Variants in GABRG3 observed in about 807,000 individuals in gnomAD.
GABRG3 encodes the protein gamma-aminobutyric acid type A receptor subunit gamma3.
A neutral mutation model predicts 48.8 loss-of-function variants in GABRG3; 25 were observed. The observed-to-expected ratio is 0.51, with a 90% CI of 0.37 to 0.72. The LOEUF (loss-of-function observed/expected upper bound fraction) is 0.72. GABRG3 is among the 30% of genes least tolerant of loss of function. The probability of loss-of-function intolerance (pLI) is 0.00; values close to 1 mark genes in which losing one functional copy is unlikely to be tolerated. For missense variants in GABRG3, 394 were observed against 577.9 expected (o/e 0.68, Z 3.26); for synonymous variants, 227 against 217.6 (o/e 1.04, Z -0.38).
chr15:27,005,742 G>A (rs1466433689), intron 2 of GABRG3, among the ~76,000 whole-genome samples: 2 of 152,176 alleles, frequency 1.3e-5, no homozygotes, highest in African/African-American at 4.8e-5. Context: ...AATTCATACA[G>A]CATCACTTTT....
At position 27,026,836 on chromosome 15, in the gene GABRG3, T is replaced by C. The variant is rs779639053; in HGVS notation, c.270+15T>C. 23 of 1,576,576 alleles carry C rather than the reference T, an allele frequency of 1.5e-5. No homozygotes were observed. The East Asian group carries it at 4.7e-4, about 32-fold the overall frequency. On this transcript the variant is annotated intron_variant, in intron 3 of 9. Transcript: ENST00000615808. ...CAATAAACATGGTAAGAAGCTCCTT[T>C]ATTTTCTGATCTAACGGCTGTTGCA...
rs149702679 is a variant in GABRG3 at position 27,436,134 on chromosome 15, C to T, written c.575-44516C>T. Among the ~76,000 whole-genome samples the T allele has an allele frequency of 3.3e-3, 498 of 152,316 alleles. 3 individuals are homozygous for T. Among genetic ancestry groups the T allele is most frequent in the African/African-American group, 0.012 (478 of 41,560 alleles). On this transcript the variant is annotated intron_variant, in intron 5 of 9. Coordinates refer to ENST00000615808, the MANE Select transcript of GABRG3 (RefSeq NM_033223.5). Reference sequence around the variant, plus strand: ...CTGGGGGGCTTAAACAACAAATATTCATTTCTCACAATTCTGGAGGCTGGG... The same window carrying T: ...CTGGGGGGCTTAAACAACAAATATTTATTTCTCACAATTCTGGAGGCTGGG...
In GABRG3 at chr15:27,370,534, G is replaced by A. The variant is rs139975699; in HGVS notation, c.574+41646G>A. On this transcript the variant is annotated intron_variant, in intron 5 of 9. Coordinates refer to ENST00000615808, the MANE Select transcript of GABRG3 (RefSeq NM_033223.5). ...AGTCTGGGACCACCCTGGGATCCTG[G>A]TCCAGCAGACTTGGTCTGTTAGTGG... Among the ~76,000 whole-genome samples, 926 of 152,252 alleles carry A rather than the reference G, an allele frequency of 6.1e-3. 9 individuals are homozygous for A. The highest frequency in any genetic ancestry group is 0.021 in the African/African-American group (871 of 41,526).
chr15:27,210,441 C>T (rs1003526131), intron 3 of GABRG3, among the ~76,000 whole-genome samples: 9 of 152,200 alleles, frequency 5.9e-5, no homozygotes, highest in South Asian at 2.1e-4. Flanking sequence ...AGCTGCCTGC[C>T]GTGTGTGCAT....
intron 5 of GABRG3, among the ~76,000 whole-genome samples, chr15:27,425,620 G>A (rs2140617322): frequency 6.6e-6 from 1 of 151,858 alleles, no homozygotes; most frequent in Non-Finnish European, 1.5e-5. Flanking sequence ...CAAAAAAAAA[G>A]AAGTGATGAT....
chr15:26,985,594 A>G (rs746377059), intron 2 of GABRG3, among the ~76,000 whole-genome samples: 91 of 152,188 alleles, frequency 6.0e-4, no homozygotes, highest in Non-Finnish European at 1.2e-3. Flanking sequence ...CACTGGTCAC[A>G]GATGGGCCAC....
intron 3 of GABRG3, among the ~76,000 whole-genome samples, chr15:27,133,572 A>G (rs867406786): frequency 6.6e-6 from 1 of 152,156 alleles, no homozygotes; most frequent in East Asian, 1.9e-4. Context: ...GCTCCTACTG[A>G]CATGTTTTTA....
At chr15:27,027,434 C>A (rs556220353) in intron 3 of GABRG3, among the ~76,000 whole-genome samples, 6 of 152,322 alleles carry the variant, frequency 3.9e-5, no homozygotes, top group Admixed American at 2.0e-4. Context: ...GAGCTCCCCC[C>A]GCCTGCGGAG....
chr15:27,226,573 G>A lies in GABRG3; in HGVS notation c.271-100236G>A, dbSNP rs528392620. On this transcript the variant is annotated intron_variant, in intron 3 of 9. Transcript: ENST00000615808. Reference sequence around the variant, plus strand: ...TCCCGGCCTGAGCCACCACTCAGTGGTGACTTGTGGGCTGCCATCCGGATG... The same window carrying A: ...TCCCGGCCTGAGCCACCACTCAGTGATGACTTGTGGGCTGCCATCCGGATG... Among the ~76,000 whole-genome samples the A allele has an allele frequency of 1.1e-4, 16 of 151,842 alleles. 1 individual carries two copies. The East Asian group carries it at 2.5e-3, about 24-fold the overall frequency.
chr15:27,092,574 G>A (rs192860876), intron 3 of GABRG3, among the ~76,000 whole-genome samples: 15 of 152,310 alleles, frequency 9.8e-5, no homozygotes, highest in East Asian at 3.9e-4. Flanking sequence ...GCTCTGTGTC[G>A]TGTTGCCCCG....
At chr15:27,353,886 A>G (rs935722964) in intron 5 of GABRG3, among the ~76,000 whole-genome samples, 1 of 152,142 alleles carries the variant, frequency 6.6e-6, no homozygotes, top group Non-Finnish European at 1.5e-5. Flanking sequence ...TGCATGGTCT[A>G]GTTTCTGTGT....
At chr15:27,009,732 G>T (rs749413564) in intron 2 of GABRG3, among the ~76,000 whole-genome samples, 2 of 152,160 alleles carry the variant, frequency 1.3e-5, no homozygotes, top group Admixed American at 6.6e-5. Context: ...CAGCCAGGAA[G>T]GTCTGGCCAT....
At chr15:27,321,903 T>A (rs920301238) in intron 3 of GABRG3, among the ~76,000 whole-genome samples, 2 of 152,254 alleles carry the variant, frequency 1.3e-5, no homozygotes, top group Non-Finnish European at 2.9e-5. Context: ...GTCGCGGTAA[T>A]TCGTGGCTTA....
At position 27,225,298 on chromosome 15, in the gene GABRG3, C is replaced by T. The variant is rs546520744; in HGVS notation, c.271-101511C>T. Among the ~76,000 whole-genome samples, 19 of 152,190 alleles carry T rather than the reference C, an allele frequency of 1.2e-4. No individual in the cohort carries two copies. The South Asian group carries it at 3.9e-3, about 32-fold the overall frequency. The stretch of plus-strand genomic sequence containing the variant: ...AGCACAGTTGCCTTCGCTTCCCAGA[C>T]ACCGCCCTGCAGGTAGCAGAACTGG... On this transcript the variant is annotated intron_variant, in intron 3 of 9. Coordinates refer to ENST00000615808, the MANE Select transcript of GABRG3 (RefSeq NM_033223.5).
chr15:27,125,780 C>T (rs970133302), intron 3 of GABRG3, among the ~76,000 whole-genome samples: 1 of 152,214 alleles, frequency 6.6e-6, no homozygotes, highest in Non-Finnish European at 1.5e-5. Flanking sequence ...AGCAGCCATG[C>T]GCCACATAGC....
chr15:27,509,421 T>G (rs556278077), intron 6 of GABRG3, among the ~76,000 whole-genome samples: 11 of 152,326 alleles, frequency 7.2e-5, no homozygotes, highest in African/African-American at 2.6e-4. Context: ...TCTCAGCCAT[T>G]ATTTCTTCAA....
intron 1 of GABRG3, among the ~76,000 whole-genome samples, chr15:26,972,960 G>A (rs1894873844): frequency 6.6e-6 from 1 of 152,172 alleles, no homozygotes; most frequent in Non-Finnish European, 1.5e-5. Flanking sequence ...GGCAGCTGGT[G>A]CAAGCAATGG....
At position 27,436,989 on chromosome 15, in the gene GABRG3, G is replaced by A. The variant is rs982002042; in HGVS notation, c.575-43661G>A. On this transcript the variant is annotated intron_variant, in intron 5 of 9. Coordinates refer to ENST00000615808, the MANE Select transcript of GABRG3 (RefSeq NM_033223.5). Reference sequence around the variant, plus strand: ...CCAGCCTGGGTGAGACTCCTTCTCCGAAAAATAGAGAGAGAGAGAGAGAGA... The same window carrying A: ...CCAGCCTGGGTGAGACTCCTTCTCCAAAAAATAGAGAGAGAGAGAGAGAGA... Among the ~76,000 whole-genome samples the A allele has an allele frequency of 5.9e-5, 7 of 118,274 alleles. No homozygotes were observed. The East Asian group carries it at 1.2e-3, about 21-fold the overall frequency. The allele number at this position is 118,274 out of a possible 152,430, so 77.6% of individuals were successfully genotyped here.
At chr15:27,036,054 A>C (rs952589938) in intron 3 of GABRG3, among the ~76,000 whole-genome samples, 15 of 152,366 alleles carry the variant, frequency 9.8e-5, no homozygotes, top group African/African-American at 3.4e-4. Context: ...ATGCTGAAGC[A>C]GGTAATGGGA....
Sources: allele counts gnomAD v4.1 joint callset (sites outside exome capture counted in the v4.1 genomes callset), GRCh38; gene constraint gnomAD v4.1.1; transcripts MANE v1.5; gene names NCBI Gene and HGNC (gene_info 2026-07-23, HGNC 2026-07-21).